The following DHX57 variants were observed in gnomAD, a reference collection of about 807,000 sequenced individuals.
DHX57 encodes putative ATP-dependent RNA helicase DHX57.
DHX57 carries 105 observed loss-of-function variants against 156.2 expected under a neutral mutation model. The observed-to-expected ratio is 0.67, with a 90% CI of 0.57 to 0.79. DHX57 has a LOEUF of 0.79. Ranked by LOEUF, DHX57 falls within the 30% of genes least tolerant of loss-of-function variation. DHX57 has a pLI of 0.00. For missense variants in DHX57, 1,847 were observed against 1,661.9 expected, an observed-to-expected ratio of 1.11 and a Z score of -1.94; for synonymous variants, 704 against 595.6, an observed-to-expected ratio of 1.18 and a Z score of -2.65.
intron 1 of DHX57, among the ~76,000 whole-genome samples, chr2:38,874,691 G>A (rs974744677): frequency 1.2e-4 from 19 of 152,170 alleles, no homozygotes; most frequent in Non-Finnish European, 1.5e-5. Flanking sequence ...TTACAGGCGT[G>A]AGCCACCGCG....
chr2:38,873,172 G>A (rs1665431739), intron 1 of DHX57, among the ~76,000 whole-genome samples: 1 of 152,112 alleles, frequency 6.6e-6, no homozygotes, highest in South Asian at 2.1e-4. Flanking sequence ...TGTATTTTTA[G>A]TAGAGATGGT....
In DHX57 at chr2:38,813,843, G is replaced by T. The variant is rs746909137; in HGVS notation, c.3659C>A (p.Ala1220Asp). 1.9e-6 allele frequency: 3 copies of T among 1,613,660 alleles called. No individual in the cohort carries two copies. The Admixed American group carries it at 5.0e-5, about 27-fold the overall frequency. Residue 1220 changes from alanine to aspartate, a missense_variant, in exon 21 of 24, where the codon GCT (alanine) becomes GAT (aspartate). Ala to Asp is a moderately radical substitution (Grantham distance 126). Coordinates refer to ENST00000457308, the MANE Select transcript of DHX57 (RefSeq NM_198963.3). ...TACCTGCACTACATTTGGATACAAA[G>T]CAGCACACAGCATTGCTGATATCAG... ...PKLISAMLCA[A>D]LYPNVVQVKS...
intron 7 of DHX57, among the ~76,000 whole-genome samples, chr2:38,855,957 G>A (rs902703386): frequency 6.6e-6 from 1 of 152,080 alleles, no homozygotes; most frequent in Admixed American, 6.6e-5. Context: ...AAAATTAGTT[G>A]GGTATGGTGG....
chr2:38,838,388 C>T (rs369950521), intron 12 of DHX57, among the ~76,000 whole-genome samples: 2 of 152,130 alleles, frequency 1.3e-5, no homozygotes, highest in African/African-American at 4.8e-5. Flanking sequence ...GCCACCACAA[C>T]CAGCCCACTT....
intron 19 of DHX57, among the ~76,000 whole-genome samples, chr2:38,818,003 G>A (rs1053753894): frequency 6.6e-6 from 1 of 151,866 alleles, no homozygotes; most frequent in Non-Finnish European, 1.5e-5. Flanking sequence ...ACATTTTCTT[G>A]TATACTCATT....
At chr2:38,838,063 CACAGA>C in intron 12 of DHX57, 116 bp from the exon 13 acceptor site, 3 of 699,950 alleles carry the variant, frequency 4.3e-6, no homozygotes, top group Non-Finnish European at 7.5e-6. Flanking sequence ...GGTTTAATAG[CACAGA>C]TATTAACATT....
Position 38,798,183 on chromosome 2 carries a change from G to A in DHX57, c.*116C>T. 1 of 1,406,242 alleles carries A rather than the reference G, an allele frequency of 7.1e-7. No individual in the cohort carries two copies. Among genetic ancestry groups the A allele is most frequent in the Non-Finnish European group, 9.6e-7 (1 of 1,040,794 alleles). 87.1% of individuals were successfully genotyped at this position (1,406,242 alleles called of 1,614,324 possible). On this transcript the variant is annotated 3_prime_UTR_variant, in exon 24 of 24. Transcript: ENST00000457308. ...TCAGCTGCCTTGGGCTTCATGCCCT[G>A]GGCTCCTCCACCAGGGCCAGCCCCA...
chr2:38,811,001 G>C, intron 21 of DHX57: 1 of 764,142 alleles, frequency 1.3e-6, no homozygotes, highest in Non-Finnish European at 2.3e-6. Flanking sequence ...TTTTTACTCA[G>C]TCTTGAAAAT....
At position 38,855,064 on chromosome 2, in the gene DHX57, C is replaced by T. The variant is rs900455697; in HGVS notation, c.1898G>A (p.Ser633Asn). Residue 633 changes from serine to asparagine, a missense_variant, in exon 8 of 24, where the codon AGT becomes AAT. Physicochemically the swap from Ser to Asn is conservative, Grantham distance 46. Coordinates refer to ENST00000457308, the MANE Select transcript of DHX57 (RefSeq NM_198963.3). Reference sequence around the variant, plus strand: ...TAAGCAGAGCATACAAACCTTGACACTTTCTAACCGAATCTGGTATCCCAC... The same window carrying T: ...TAAGCAGAGCATACAAACCTTGACATTTTCTAACCGAATCTGGTATCCCAC... ...LTVGYQIRLE[S>N]VKSSATRLLY... The T allele has an allele frequency of 3.1e-6, 5 of 1,614,042 alleles. No homozygotes were observed. The African/African-American group carries it at 6.7e-5, about 22-fold the overall frequency.
At chr2:38,853,832 ACAGGATG>A in intron 9 of DHX57, 1 of 355,844 alleles carries the variant, frequency 2.8e-6, no homozygotes, top group Admixed American at 4.2e-5. Context: ...TTCTAACCTA[ACAGGATG>A]ACTCCATCTA....
intron 22 of DHX57, among the ~76,000 whole-genome samples, chr2:38,803,529 C>G (rs1205739709): frequency 6.6e-6 from 1 of 151,214 alleles, no homozygotes; most frequent in Non-Finnish European, 1.5e-5. Context: ...CTCTTTTTGT[C>G]CAGGCTGGAG....
chr2:38,817,983 G>A (rs1301190088), intron 19 of DHX57, among the ~76,000 whole-genome samples: 2 of 152,050 alleles, frequency 1.3e-5, no homozygotes, highest in Non-Finnish European at 2.9e-5. Context: ...GAGCCACCAA[G>A]CCCGGCTAAA....
At chr2:38,815,383 C>T (rs528428829) in intron 20 of DHX57, 138 bp downstream of exon 20, 19 of 1,156,850 alleles carry the variant, frequency 1.6e-5, no homozygotes, top group African/African-American at 7.6e-5. Flanking sequence ...TTTATTTGTG[C>T]GAAGCAGAAA....
In DHX57 at chr2:38,843,226, G is replaced by A. The variant is rs368518104; in HGVS notation, c.2220-16C>T. The A allele has an allele frequency of 1.2e-5, 20 of 1,612,672 alleles. No homozygotes were observed. The highest frequency in any genetic ancestry group is 1.5e-5 in the Non-Finnish European group (18 of 1,179,534). ...TAATACATACCTGAGAAAGACAAAGGAATGTGGTTGTGTGTATGTGGTCCT... is the reference window on the plus strand; with the variant it reads ...TAATACATACCTGAGAAAGACAAAGAAATGTGGTTGTGTGTATGTGGTCCT... On this transcript the variant is annotated splice_polypyrimidine_tract_variant and intron_variant, in intron 11 of 23. Transcript: ENST00000457308.
At chr2:38,858,053 G>C (rs1243544600) in intron 6 of DHX57, among the ~76,000 whole-genome samples, 1 of 151,974 alleles carries the variant, frequency 6.6e-6, no homozygotes, top group East Asian at 1.9e-4. Context: ...CACAGTATTT[G>C]TTTTTATTTT....
intron 11 of DHX57, among the ~76,000 whole-genome samples, chr2:38,845,997 C>CT: frequency 6.6e-6 from 1 of 151,994 alleles, no homozygotes; most frequent in East Asian, 1.9e-4. Flanking sequence ...TCCAGATTGG[C>CT]TGGCATTACA....
intron 13 of DHX57, among the ~76,000 whole-genome samples, chr2:38,833,839 T>C (rs955234526): frequency 6.6e-6 from 1 of 151,536 alleles, no homozygotes; most frequent in Admixed American, 6.6e-5. Flanking sequence ...CCTAGAAATA[T>C]GAAAAAAAAT....
At chr2:38,800,582 C>A (rs975377259) in intron 23 of DHX57, among the ~76,000 whole-genome samples, 3 of 152,118 alleles carry the variant, frequency 2.0e-5, no homozygotes, top group African/African-American at 7.2e-5. Flanking sequence ...GGCTCAGGTA[C>A]TCCAGGTATT....
Position 38,861,254 on chromosome 2 carries a change from G to A in DHX57, c.1156C>T (p.Arg386Cys), listed in dbSNP as rs757340903. The stretch of plus-strand genomic sequence containing the variant: ...TAAAGAAACTCAGAAATATGTAAAC[G>A]ACAAGCCAGAGGTAGGTTCTCATTG... ...STNENLPLAC[R>C]LHISEFLYDK... is the part of the protein sequence containing the mutation. Residue 386 changes from arginine to cysteine, a missense_variant, in exon 5 of 24, where the codon CGT becomes TGT. Coordinates refer to ENST00000457308, the MANE Select transcript of DHX57 (RefSeq NM_198963.3). 4.3e-6 allele frequency: 7 copies of A among 1,613,978 alleles called. No individual in the cohort carries two copies. The highest frequency in any genetic ancestry group is 1.3e-5 in the African/African-American group (1 of 74,888).
Sources: gnomAD v4.1 joint callset for allele counts (sites outside exome capture counted in the v4.1 genomes callset) on GRCh38, gnomAD v4.1.1 for gene constraint, MANE v1.5 for transcripts, NCBI Gene and HGNC (gene_info 2026-07-23, HGNC 2026-07-21) for gene names.